PCSK5: variants seen among roughly 807,000 people sequenced by gnomAD.
The protein encoded by PCSK5 is prohormone convertase 5.
PCSK5 carries 129 observed loss-of-function variants against 233.2 expected under a neutral mutation model. The observed-to-expected ratio is 0.55, with a 90% CI of 0.48 to 0.64. The LOEUF (loss-of-function observed/expected upper bound fraction) is 0.64. Among genes scored for constraint, PCSK5 ranks in the 30% least tolerant of loss-of-function variants. The probability of loss-of-function intolerance (pLI) is 0.00; values close to 1 mark genes in which losing one functional copy is unlikely to be tolerated. For missense variants in PCSK5, 2,076 were observed against 2,430.1 expected (o/e 0.85, Z 3.06); for synonymous variants, 825 against 879.2 (o/e 0.94, Z 1.09).
intron 24 of PCSK5, among the ~76,000 whole-genome samples, chr9:76,274,320 G>A (rs893254082): frequency 2.0e-5 from 3 of 151,774 alleles, no homozygotes; most frequent in African/African-American, 7.3e-5. Context: ...TATATTTTAA[G>A]ATGTTCTTTT....
chr9:76,081,427 C>G (rs1200493063), intron 7 of PCSK5, among the ~76,000 whole-genome samples: 2 of 151,808 alleles, frequency 1.3e-5, no homozygotes, highest in Non-Finnish European at 2.9e-5. Flanking sequence ...GCACTCCAGC[C>G]TGGGCAACAA....
chr9:75,889,879 T>G (rs950229426), upstream of PCSK5, among the ~76,000 whole-genome samples: 2 of 152,190 alleles, frequency 1.3e-5, no homozygotes, highest in African/African-American at 4.8e-5. Context: ...CTTTTTCATA[T>G]TAAAGTCTTT....
chr9:76,039,465 CAT>C (rs1379630063), intron 5 of PCSK5, among the ~76,000 whole-genome samples: 2 of 152,108 alleles, frequency 1.3e-5, no homozygotes, highest in Admixed American at 6.5e-5. Context: ...AGTACATACT[CAT>C]AGATTTCCAA....
chr9:76,308,579 T>C, intron 28 of PCSK5, 66 bp from the exon 29 acceptor site: 1 of 887,024 alleles, frequency 1.1e-6, no homozygotes, highest in Admixed American at 1.9e-5. Context: ...GAGATCTTTT[T>C]CAGTACTGGA....
intron 2 of PCSK5, among the ~76,000 whole-genome samples, chr9:75,985,119 A>T (rs144262769): frequency 2.6e-4 from 39 of 152,294 alleles, no homozygotes; most frequent in African/African-American, 8.9e-4. Flanking sequence ...AAATCAAACA[A>T]AGGAGCATTT....
intron 1 of PCSK5, among the ~76,000 whole-genome samples, chr9:75,905,322 A>G (rs147633942): frequency 4.6e-5 from 7 of 152,326 alleles, no homozygotes; most frequent in Non-Finnish European, 8.8e-5. Flanking sequence ...CAGCCTGGGC[A>G]ATAAAGTGAC....
intron 9 of PCSK5, among the ~76,000 whole-genome samples, chr9:76,127,049 T>A (rs1342701486): frequency 2.0e-5 from 3 of 152,210 alleles, no homozygotes; most frequent in Admixed American, 1.3e-4. Flanking sequence ...AGCTTCATTT[T>A]AAAATATACT....
intron 34 of PCSK5, among the ~76,000 whole-genome samples, chr9:76,334,273 G>C (rs1324647590): frequency 6.6e-6 from 1 of 152,126 alleles, no homozygotes; most frequent in Non-Finnish European, 1.5e-5. Context: ...GATGAGATTT[G>C]GGTGAGACAC....
At chr9:76,066,680 A>C (rs1830299462) in intron 5 of PCSK5, among the ~76,000 whole-genome samples, 3 of 124,148 alleles carry the variant, frequency 2.4e-5, no homozygotes, top group Non-Finnish European at 5.0e-5. Context: ...ATTAATGTTT[A>C]GAAAAATATA....
At chr9:76,184,073 A>G (rs1823990989) in intron 16 of PCSK5, among the ~76,000 whole-genome samples, 1 of 152,256 alleles carries the variant, frequency 6.6e-6, no homozygotes, top group Non-Finnish European at 1.5e-5. Flanking sequence ...TAGAGATATT[A>G]TCTGAATTGT....
intron 36 of PCSK5, among the ~76,000 whole-genome samples, 168 bp downstream of exon 36, chr9:76,351,096 G>A (rs1830110888): frequency 6.6e-6 from 1 of 152,084 alleles, no homozygotes; most frequent in African/African-American, 2.4e-5. Context: ...TGGAATAATG[G>A]TGCTACCCAC....
intron 29 of PCSK5, among the ~76,000 whole-genome samples, chr9:76,310,152 G>A (rs1269669559): frequency 6.6e-6 from 1 of 151,890 alleles, no homozygotes; most frequent in Non-Finnish European, 1.5e-5. Context: ...GGAGGCTGAA[G>A]TAGGAGAATC....
chr9:76,298,341 T>C (rs1828505226), intron 27 of PCSK5, among the ~76,000 whole-genome samples: 1 of 152,136 alleles, frequency 6.6e-6, no homozygotes, highest in Non-Finnish European at 1.5e-5. Flanking sequence ...AGGGAGGAAT[T>C]AGTGCATTTG....
chr9:75,976,299 C>CACAG (rs1320328513), intron 2 of PCSK5, among the ~76,000 whole-genome samples: 3 of 71,702 alleles, frequency 4.2e-5, no homozygotes, highest in Non-Finnish European at 1.4e-4. Flanking sequence ...CACACACACA[C>CACAG]ACACACACAC....
intron 8 of PCSK5, among the ~76,000 whole-genome samples, chr9:76,106,178 T>C (rs1281354024): frequency 1.3e-5 from 2 of 152,218 alleles, no homozygotes; most frequent in African/African-American, 2.4e-5. Context: ...TATATGGTAA[T>C]ATACTTGCCT....
chr9:76,271,781 G>A (rs1168991896), intron 24 of PCSK5, among the ~76,000 whole-genome samples: 2 of 152,192 alleles, frequency 1.3e-5, no homozygotes, highest in African/African-American at 4.8e-5. Context: ...GGCTTCTTCT[G>A]GAGGCTCTGA....
At chr9:76,219,127 G>C (rs1431425205) in intron 20 of PCSK5, among the ~76,000 whole-genome samples, 1 of 152,198 alleles carries the variant, frequency 6.6e-6, no homozygotes, top group Non-Finnish European at 1.5e-5. Context: ...TTGGTATGCA[G>C]CTCCTCCTCT....
At chr9:76,020,301 G>A (rs1828125952) in intron 3 of PCSK5, among the ~76,000 whole-genome samples, 1 of 152,226 alleles carries the variant, frequency 6.6e-6, no homozygotes, top group Non-Finnish European at 1.5e-5. Context: ...TCTGGTCAGT[G>A]TTGGGTGACA....
At chr9:76,069,348 A>G (rs1048335582) in intron 6 of PCSK5, among the ~76,000 whole-genome samples, 2 of 152,024 alleles carry the variant, frequency 1.3e-5, no homozygotes, top group African/African-American at 2.4e-5. Context: ...CCAGGTTCTT[A>G]TCAATACTCT....
Sources: allele counts gnomAD v4.1 joint callset (sites outside exome capture counted in the v4.1 genomes callset), GRCh38; gene constraint gnomAD v4.1.1; transcripts MANE v1.5; gene names NCBI Gene and HGNC (gene_info 2026-07-23, HGNC 2026-07-21).